The following SGCD variants were observed in gnomAD, a reference collection of about 807,000 sequenced individuals.
SGCD encodes sarcoglycan delta.
SGCD carries 18 observed loss-of-function variants against 36.6 expected under a neutral mutation model. The ratio of observed to expected loss-of-function variants is 0.49; its 90% confidence interval spans 0.34 to 0.73. SGCD has a LOEUF of 0.73. Ranked by LOEUF, SGCD falls within the 30% of genes least tolerant of loss-of-function variation. The probability of loss-of-function intolerance (pLI) is 0.01; values close to 1 mark genes in which losing one functional copy is unlikely to be tolerated. For missense variants in SGCD, 387 were observed against 346.7 expected (o/e 1.12, Z -0.92); for synonymous variants, 133 against 130.6 (o/e 1.02, Z -0.12).
At chr5:155,831,915 G>A in the SGCD span, among the ~76,000 whole-genome samples, 1 of 152,150 alleles carries the variant, frequency 6.6e-6, no homozygotes, top group African/African-American at 2.4e-5. Flanking sequence ...CAGAAGTCTT[G>A]TGGTATTTAC....
Position 156,327,721 on chromosome 5 carries a change from G to A in SGCD, c.-44+489G>A, listed in dbSNP as rs528202393. Among the ~76,000 whole-genome samples the A allele has an allele frequency of 2.6e-5, 4 of 152,266 alleles. No homozygotes were observed. The South Asian group carries it at 8.3e-4, about 32-fold the overall frequency. ...AATCAGAGTTTGAAGTTTCTACGTT[G>A]GATGACACTTTCAGAGTGTCGAAAC... is the stretch of plus-strand genomic sequence containing the variant. On this transcript the variant is annotated intron_variant, in intron 1 of 8. Coordinates refer to ENST00000337851, the MANE Select transcript of SGCD (RefSeq NM_000337.6).
chr5:156,616,174 G>C (rs1762012439), intron 6 of SGCD, among the ~76,000 whole-genome samples: 1 of 152,126 alleles, frequency 6.6e-6, no homozygotes, highest in South Asian at 2.1e-4. Context: ...CAGCTCTGCT[G>C]GTGAGCAGAA....
chr5:155,818,469 G>A, the SGCD span, among the ~76,000 whole-genome samples: 10 of 152,230 alleles, frequency 6.6e-5, no homozygotes, highest in South Asian at 2.1e-3. Context: ...AGGGGTGCAG[G>A]CCTGAGAGGT....
In SGCD at chr5:156,270,187, G is replaced by A. The variant is rs1766137499; in HGVS notation, c.-43-59347G>A. 2.6e-5 allele frequency among the ~76,000 whole-genome samples: 4 copies of A among 152,094 alleles called. No homozygotes were observed. The South Asian group carries it at 6.2e-4, about 24-fold the overall frequency. On this transcript the variant is annotated intron_variant, in intron 3 of 9. Transcript: ENST00000517913. ...AAGATCAGATGGTCATAGCTGTGTGGCCTTATTTTTTGGCTCTCTATTCTG... is the reference window on the plus strand; with the variant it reads ...AAGATCAGATGGTCATAGCTGTGTGACCTTATTTTTTGGCTCTCTATTCTG...
chr5:156,072,224 C>A (rs1413590346), intron 1 of SGCD, among the ~76,000 whole-genome samples: 1 of 152,060 alleles, frequency 6.6e-6, no homozygotes, highest in African/African-American at 2.4e-5. Flanking sequence ...TCTTCCTAGC[C>A]TCGATGGTCT....
chr5:156,291,532 T>G (rs1766756693), intron 3 of SGCD, among the ~76,000 whole-genome samples: 1 of 152,150 alleles, frequency 6.6e-6, no homozygotes, highest in South Asian at 2.1e-4. Flanking sequence ...ACAAAAATTT[T>G]CATTAAAATT....
chr5:156,485,199 A>G (rs975204515), intron 3 of SGCD, among the ~76,000 whole-genome samples: 11 of 152,202 alleles, frequency 7.2e-5, no homozygotes, highest in African/African-American at 2.7e-4. Context: ...CATTTTGTGT[A>G]TCTCTTTCTT....
intron 3 of SGCD, among the ~76,000 whole-genome samples, chr5:156,136,322 A>C (rs1762455234): frequency 6.6e-6 from 1 of 152,202 alleles, no homozygotes; most frequent in Non-Finnish European, 1.5e-5. Context: ...CAAATTGCTG[A>C]GGCTGTTCTT....
intron 3 of SGCD, among the ~76,000 whole-genome samples, chr5:156,296,009 A>C (rs1766884315): frequency 6.6e-6 from 1 of 152,182 alleles, no homozygotes. Context: ...GGTAGGAAGC[A>C]AGAGAGAGAG....
chr5:155,914,482 T>C (rs1309598249), intron 1 of SGCD, among the ~76,000 whole-genome samples: 1 of 152,162 alleles, frequency 6.6e-6, no homozygotes, highest in Non-Finnish European at 1.5e-5. Context: ...ACTAGAAGTG[T>C]AATAAGGTCT....
chr5:156,600,942 C>T (rs893624818), intron 6 of SGCD, among the ~76,000 whole-genome samples: 5 of 151,922 alleles, frequency 3.3e-5, no homozygotes, highest in Non-Finnish European at 5.9e-5. Context: ...TTTCATATAC[C>T]TGTTGAACAT....
chr5:156,358,597 G>A (rs141425036), intron 3 of SGCD, among the ~76,000 whole-genome samples: 3 of 152,266 alleles, frequency 2.0e-5, no homozygotes, highest in African/African-American at 4.8e-5. Context: ...AGCAAATGCC[G>A]TTCCTCCCTC....
At chr5:156,230,363 C>T (rs367999725) in intron 3 of SGCD, among the ~76,000 whole-genome samples, 3 of 152,172 alleles carry the variant, frequency 2.0e-5, no homozygotes, top group Non-Finnish European at 4.4e-5. Context: ...TCTTTTGTCC[C>T]GCGGGGTATT....
In SGCD at chr5:156,050,380, A is replaced by C. The variant is rs1454085917; in HGVS notation, c.-281-67498A>C. Reference sequence around the variant, plus strand: ...TTTTTTACTAATAAAGTATTCTTTAAATTATAAAGGGTACATTTTTTATAC... The same window carrying C: ...TTTTTTACTAATAAAGTATTCTTTACATTATAAAGGGTACATTTTTTATAC... On this transcript the variant is annotated intron_variant, in intron 1 of 9. Coordinates refer to the SGCD transcript ENST00000517913. Among the ~76,000 whole-genome samples the C allele has an allele frequency of 2.7e-5, 4 of 146,696 alleles. 2 individuals carry two copies. Among genetic ancestry groups the C allele is most frequent in the Admixed American group, 2.7e-4 (4 of 14,746 alleles).
At chr5:155,923,492 C>T (rs1055717965) in intron 1 of SGCD, among the ~76,000 whole-genome samples, 7 of 152,138 alleles carry the variant, frequency 4.6e-5, no homozygotes, top group South Asian at 2.1e-4. Flanking sequence ...CAAAGATGAA[C>T]GTTCATAGTT....
intron 4 of SGCD, among the ~76,000 whole-genome samples, chr5:156,532,103 T>C (rs1217903620): frequency 6.6e-6 from 1 of 151,852 alleles, no homozygotes; most frequent in Non-Finnish European, 1.5e-5. Flanking sequence ...AGAGCAAAAC[T>C]TTGTCTCAAA....
At chr5:156,735,024 T>C (rs971047032) in intron 7 of SGCD, among the ~76,000 whole-genome samples, 1 of 152,206 alleles carries the variant, frequency 6.6e-6, no homozygotes. Flanking sequence ...ATGGTTTTTT[T>C]GTTTTGTTTT....
chr5:156,423,248 A>T (rs1222391651), intron 3 of SGCD, among the ~76,000 whole-genome samples: 9 of 83,160 alleles, frequency 1.1e-4, no homozygotes, highest in Admixed American at 1.6e-4. Flanking sequence ...TATATTTTAT[A>T]ATATTATATT....
At chr5:156,443,011 C>T (rs574629538) in intron 3 of SGCD, among the ~76,000 whole-genome samples, 6 of 152,080 alleles carry the variant, frequency 3.9e-5, no homozygotes, top group South Asian at 2.1e-4. Flanking sequence ...TTTTTTGAGA[C>T]GGAGTCTCTG....
Sources: gnomAD v4.1 joint callset for allele counts (sites outside exome capture counted in the v4.1 genomes callset) on GRCh38, gnomAD v4.1.1 for gene constraint, MANE v1.5 for transcripts, NCBI Gene and HGNC (gene_info 2026-07-23, HGNC 2026-07-21) for gene names.